Variants in RAB11FIP2 observed in about 807,000 individuals in gnomAD.
RAB11FIP2 encodes RAB11 family interacting protein 2, also known as rab11 family-interacting protein 2.
Under a neutral mutation model 40.9 loss-of-function variants are expected in RAB11FIP2, and 16 were observed. The observed-to-expected ratio is 0.39, with a 90% CI of 0.26 to 0.59. The LOEUF (loss-of-function observed/expected upper bound fraction) is 0.59, where lower values mean the gene tolerates loss of function less well. RAB11FIP2 is among the 20% of genes least tolerant of loss of function. The pLI, the probability that RAB11FIP2 is intolerant of heterozygous loss-of-function variation, is 0.53. For synonymous variants in RAB11FIP2, 228 were observed against 213.7 expected, an observed-to-expected ratio of 1.07 and a Z score of -0.58; for missense variants, 532 against 606.2, an observed-to-expected ratio of 0.88 and a Z score of 1.28.
chr10:118,036,847 G>A (rs762035175), intron 3 of RAB11FIP2, among the ~76,000 whole-genome samples: 1 of 151,786 alleles, frequency 6.6e-6, no homozygotes, highest in African/African-American at 2.4e-5. Context: ...TAAAGTAACT[G>A]AAAACAAAGC....
At chr10:118,018,364 T>C (rs1846246419) in intron 3 of RAB11FIP2, 1 of 152,234 alleles carries the variant, frequency 6.6e-6, no homozygotes, top group South Asian at 2.1e-4. Context: ...AGACAAGATA[T>C]CGAATAATCC....
intron 3 of RAB11FIP2, among the ~76,000 whole-genome samples, chr10:118,035,166 C>G (rs2133178765): frequency 6.6e-6 from 1 of 152,244 alleles, no homozygotes; most frequent in East Asian, 1.9e-4. Context: ...AGAGACTGTG[C>G]AGAGCTGGAT....
chr10:118,044,738 G>A (rs1332575375), intron 1 of RAB11FIP2, among the ~76,000 whole-genome samples: 2 of 151,998 alleles, frequency 1.3e-5, no homozygotes, highest in Non-Finnish European at 2.9e-5. Context: ...AGAGAGAGTC[G>A]TTTTAAAATG....
rs147170596 is a variant in RAB11FIP2 at position 118,039,050 on chromosome 10, C to T, written c.1187G>A (p.Arg396His). ...TGACTCATAATCAAAATAGTCCTGG[C>T]GATTTTCACTAAATGCATTAGGTGA... ...LKSPNAFSEN[R>H]QDYFDYESTN... The change falls in exon 3 of 5, where the codon CGC (arginine) becomes CAC (histidine). Residue 396 changes from arginine (R) to histidine (H), a missense_variant. Arg to His is a conservative substitution (Grantham distance 29). Transcript: ENST00000355624. 7.4e-5 allele frequency: 120 copies of T among 1,613,008 alleles called. No homozygotes were observed. The highest frequency in any genetic ancestry group is 9.2e-5 in the Non-Finnish European group (109 of 1,179,578).
At chr10:118,029,572 T>C (rs956514005) in intron 3 of RAB11FIP2, among the ~76,000 whole-genome samples, 8 of 152,110 alleles carry the variant, frequency 5.3e-5, no homozygotes, top group Admixed American at 1.3e-4. Flanking sequence ...AGGATTTATA[T>C]CTCAACAATA....
At chr10:118,040,027 A>T in intron 2 of RAB11FIP2, 96 bp downstream of exon 2, 2 of 1,241,824 alleles carry the variant, frequency 1.6e-6, no homozygotes, top group Non-Finnish European at 2.2e-6. Context: ...AATACTACAA[A>T]GCAACTGCTA....
intron 3 of RAB11FIP2, among the ~76,000 whole-genome samples, chr10:118,030,679 A>G (rs1846401936): frequency 6.6e-6 from 1 of 151,284 alleles, no homozygotes; most frequent in Admixed American, 6.6e-5. Flanking sequence ...GAATCTTGCT[A>G]TATCTCAATC....
At chr10:118,036,998 T>C (rs1265348745) in intron 3 of RAB11FIP2, among the ~76,000 whole-genome samples, 1 of 152,124 alleles carries the variant, frequency 6.6e-6, no homozygotes, top group African/African-American at 2.4e-5. Flanking sequence ...AAACATTATT[T>C]TCCTATCATT....
intron 3 of RAB11FIP2, among the ~76,000 whole-genome samples, chr10:118,029,727 C>G (rs766981250): frequency 6.6e-6 from 1 of 151,954 alleles, no homozygotes; most frequent in Non-Finnish European, 1.5e-5. Flanking sequence ...TCAGGAGCCT[C>G]GCAAGGGCCT....
At position 118,005,337 on chromosome 10, in the gene RAB11FIP2, T is replaced by C. The variant is rs1846080585; in HGVS notation, c.*3661A>G. ...TATTTTAATGCTTGAAGAGCTTCTA[T>C]ACCTCTTATTAAATATATCAGAAAA... On this transcript the variant is annotated 3_prime_UTR_variant, in exon 5 of 5. Transcript: ENST00000355624. 1.3e-5 allele frequency: 2 copies of C among 152,650 alleles called. No homozygotes were observed. The highest frequency in any genetic ancestry group is 2.1e-4 in the South Asian group (1 of 4,836). 9.5% of individuals were successfully genotyped at this position (152,650 alleles called of 1,614,324 possible). A position where few individuals can be genotyped will look rare whatever the true frequency, so the allele number is the denominator to read the frequency against.
chr10:118,033,698 T>TA (rs1037533821), intron 3 of RAB11FIP2, among the ~76,000 whole-genome samples: 1 of 152,042 alleles, frequency 6.6e-6, no homozygotes, highest in African/African-American at 2.4e-5. Context: ...AAGCCTAAAA[T>TA]ACAACAAGCC....
At chr10:118,023,809 A>T (rs1649278243) in intron 3 of RAB11FIP2, among the ~76,000 whole-genome samples, 2 of 152,208 alleles carry the variant, frequency 1.3e-5, no homozygotes, top group South Asian at 4.1e-4. Context: ...CTCCTGGTAA[A>T]GAACAGAAAT....
chr10:118,015,832 C>T (rs879820031), intron 3 of RAB11FIP2, among the ~76,000 whole-genome samples: 2 of 152,130 alleles, frequency 1.3e-5, no homozygotes, highest in Admixed American at 6.6e-5. Context: ...AATATTTCAT[C>T]GGTGCTATTC....
intron 3 of RAB11FIP2, among the ~76,000 whole-genome samples, chr10:118,020,523 C>T (rs1444450708): frequency 6.6e-6 from 1 of 152,150 alleles, no homozygotes; most frequent in Non-Finnish European, 1.5e-5. Context: ...TATGTTCTGC[C>T]ACCGGGAGGC....
In RAB11FIP2 at chr10:118,046,143, G is replaced by A. The variant is rs755482546; in HGVS notation, c.21C>T (p.Ala7=). 3.0e-5 allele frequency: 48 copies of A among 1,613,848 alleles called. No homozygotes were observed. In the South Asian group the frequency reaches 5.3e-4, roughly 18 times the overall value. Residue 7 remains alanine (A), a synonymous_variant, in exon 1 of 5, where the codon GCC becomes GCT. Coordinates refer to ENST00000355624, the MANE Select transcript of RAB11FIP2 (RefSeq NM_014904.3). ...GCACGTGGGTTGGAAACCACTTTTG[G>A]GCTTGCTCGGACAGCATCATCCTGT... MMLSEQ[A]QKWFPTHVQV...
chr10:118,006,322 T>C lies in RAB11FIP2; in HGVS notation c.*2676A>G, dbSNP rs1363811669. 6.6e-6 allele frequency: 1 copy of C among 152,618 alleles called. No homozygotes were observed. The highest frequency in any genetic ancestry group is 1.5e-5 in the Non-Finnish European group (1 of 68,006). The allele number at this position is 152,618 out of a possible 1,614,324, so 9.5% of individuals were successfully genotyped here. On this transcript the variant is annotated 3_prime_UTR_variant, in exon 5 of 5. Transcript: ENST00000355624. ...AGTCTTGAGATAAATATCAATTCTG[T>C]GATTTTAAAAAATCCTCTTGTTGGT...
In RAB11FIP2 at chr10:118,008,533, A is replaced by C. The variant is rs1223579420; in HGVS notation, c.*465T>G. ...CATGAATATATATATATTCATGTAC[A>C]TATGTGTATATAAAATATAAACTGT... On this transcript the variant is annotated 3_prime_UTR_variant, in exon 5 of 5. Coordinates refer to ENST00000355624, the MANE Select transcript of RAB11FIP2 (RefSeq NM_014904.3). 1 of 170,238 alleles carries C rather than the reference A, an allele frequency of 5.9e-6. No individual in the cohort carries two copies. Among genetic ancestry groups the C allele is most frequent in the African/African-American group, 2.4e-5 (1 of 41,622 alleles). The allele number at this position is 170,238 out of a possible 1,614,324, so 10.5% of individuals were successfully genotyped here.
chr10:118,043,852 T>C (rs1194011532), intron 1 of RAB11FIP2, among the ~76,000 whole-genome samples: 1 of 152,174 alleles, frequency 6.6e-6, no homozygotes, highest in African/African-American at 2.4e-5. Context: ...GGGCCACAGG[T>C]ACAGCTGTGC....
At chr10:118,022,808 T>C (rs188743165) in intron 3 of RAB11FIP2, among the ~76,000 whole-genome samples, 1 of 152,130 alleles carries the variant, frequency 6.6e-6, no homozygotes, top group African/African-American at 2.4e-5. Flanking sequence ...AACAAAAGTA[T>C]GCTGAATACA....
Sources: allele counts gnomAD v4.1 joint callset (sites outside exome capture counted in the v4.1 genomes callset), GRCh38; gene constraint gnomAD v4.1.1; transcripts MANE v1.5; gene names NCBI Gene and HGNC (gene_info 2026-07-23, HGNC 2026-07-21).